MLLT3: variants seen among roughly 807,000 people sequenced by gnomAD.
MLLT3 encodes the protein MLLT3 super elongation complex subunit.
In MLLT3, 4 loss-of-function variants were observed where a neutral mutation model predicts 53.2. That is an observed-to-expected ratio of 0.08 (90% CI 0.04 to 0.17). The LOEUF (loss-of-function observed/expected upper bound fraction) is 0.17, where lower values mean the gene tolerates loss of function less well. Ranked by LOEUF, MLLT3 falls within the 10% of genes least tolerant of loss-of-function variation. The pLI is 1.00. For missense variants in MLLT3, 569 were observed against 684.0 expected, an observed-to-expected ratio of 0.83 and a Z score of 1.87; for synonymous variants, 283 against 230.6, an observed-to-expected ratio of 1.23 and a Z score of -2.06.
chr9:20,360,217 C>T (rs1821279448), intron 8 of MLLT3, among the ~76,000 whole-genome samples: 1 of 152,198 alleles, frequency 6.6e-6, no homozygotes, highest in South Asian at 2.1e-4. Context: ...CTACCATCAA[C>T]TGAGTGCCAA....
chr9:20,486,777 G>A (rs953134472), intron 2 of MLLT3, among the ~76,000 whole-genome samples: 2 of 152,220 alleles, frequency 1.3e-5, no homozygotes, highest in African/African-American at 2.4e-5. Context: ...CATCGTTACT[G>A]TATTACAGCC....
intron 4 of MLLT3, among the ~76,000 whole-genome samples, chr9:20,419,912 C>T (rs1822964874): frequency 1.3e-5 from 2 of 151,802 alleles, no homozygotes; most frequent in South Asian, 2.1e-4. Context: ...GAAAAAAAAA[C>T]TGTAATATAA....
rs925737515 is a variant in MLLT3, at chr9:20,344,284, C to T, written c.*2159G>A. ...AATTTAGTTACAGAAATAAAAATGG[C>T]CCAAACTACATATATACGTTTCTAG... On this transcript the variant is annotated 3_prime_UTR_variant, in exon 11 of 11. Coordinates refer to ENST00000380338, the MANE Select transcript of MLLT3 (RefSeq NM_004529.4). 1.0e-5 allele frequency: 2 copies of T among 199,614 alleles called. No individual in the cohort carries two copies. The highest frequency in any genetic ancestry group is 2.1e-5 in the Non-Finnish European group (2 of 96,892). The allele number at this position is 199,614 out of a possible 1,614,324, so 12.4% of individuals were successfully genotyped here.
intron 2 of MLLT3, among the ~76,000 whole-genome samples, chr9:20,579,565 C>A (rs186904626): frequency 1.3e-5 from 2 of 152,084 alleles, no homozygotes; most frequent in African/African-American, 4.8e-5. Flanking sequence ...ACAATTCTGA[C>A]GCATGAATAA....
chr9:20,558,461 G>A (rs537758264), intron 2 of MLLT3, among the ~76,000 whole-genome samples: 1 of 151,936 alleles, frequency 6.6e-6, no homozygotes, highest in Admixed American at 6.6e-5. Context: ...TTTCCAACCC[G>A]AACTGCAATA....
chr9:20,355,386 T>C (rs944632907), intron 8 of MLLT3, among the ~76,000 whole-genome samples: 2 of 152,220 alleles, frequency 1.3e-5, no homozygotes, highest in Admixed American at 1.3e-4. Context: ...GATACAGCTT[T>C]GGAAATGAAG....
At chr9:20,538,534 T>C (rs1295164449) in intron 2 of MLLT3, among the ~76,000 whole-genome samples, 1 of 152,082 alleles carries the variant, frequency 6.6e-6, no homozygotes, top group African/African-American at 2.4e-5. Flanking sequence ...ATTCACACCA[T>C]CTGCAATTTC....
At chr9:20,604,667 C>T (rs1356165696) in intron 2 of MLLT3, among the ~76,000 whole-genome samples, 2 of 152,036 alleles carry the variant, frequency 1.3e-5, no homozygotes, top group Admixed American at 6.6e-5. Context: ...TTTTGTGAGG[C>T]CACTGGCAAA....
chr9:20,479,236 C>A (rs1235611146), intron 2 of MLLT3, among the ~76,000 whole-genome samples: 1 of 152,048 alleles, frequency 6.6e-6, no homozygotes, highest in African/African-American at 2.4e-5. Flanking sequence ...GTTCCTGGCT[C>A]TTTTTATGCT....
At chr9:20,500,268 T>C (rs1483550859) in intron 2 of MLLT3, among the ~76,000 whole-genome samples, 1 of 152,142 alleles carries the variant, frequency 6.6e-6, no homozygotes, top group Non-Finnish European at 1.5e-5. Flanking sequence ...GGGCCCTTGG[T>C]CTCTCCTCAC....
At position 20,413,851 on chromosome 9, in the gene MLLT3, T is replaced by A. The variant is rs758014622; in HGVS notation, c.995A>T (p.His332Leu). The change falls in exon 5 of 11, where the codon CAT becomes CTT. Residue 332 changes from histidine (H) to leucine (L), a missense_variant. Coordinates refer to ENST00000380338, the MANE Select transcript of MLLT3 (RefSeq NM_004529.4). ...AATTTTGACCTTTCCCATCTTGACA[T>A]GAGATTTATCTTTTATCTGTTTTTT... Reference protein sequence around the residue: ...ADKKQIKDKSHVKMGKVKIES... With the variant: ...ADKKQIKDKSLVKMGKVKIES... 1 of 1,614,000 alleles carries A rather than the reference T, an allele frequency of 6.2e-7. No individual in the cohort carries two copies. The highest frequency in any genetic ancestry group is 1.7e-5 in the Admixed American group (1 of 59,948).
At chr9:20,486,909 TA>T (rs1278556490) in intron 2 of MLLT3, among the ~76,000 whole-genome samples, 2 of 152,156 alleles carry the variant, frequency 1.3e-5, no homozygotes, top group African/African-American at 2.4e-5. Flanking sequence ...AAAATTGTGC[TA>T]GGGGAATCTG....
chr9:20,621,248 C>CT lies in MLLT3; in HGVS notation c.13-415dup, dbSNP rs1035796541. On this transcript the variant is annotated intron_variant, in intron 1 of 10. Transcript: ENST00000380338. This position sits in a 1 kb window ranked among gnomAD's most constrained non-coding sequence, Gnocchi z 7.0. ...GGGACCCAGGGGGACCGAAGGGCTC[C>CT]TGGCGAGCCCCCTCCCCGAAAGTAC... Among the ~76,000 whole-genome samples, 2 of 152,330 alleles carry CT rather than the reference C, an allele frequency of 1.3e-5. No individual in the cohort carries two copies. Among genetic ancestry groups the CT allele is most frequent in the African/African-American group, 4.8e-5 (2 of 41,590 alleles).
At chr9:20,536,209 A>AAAAG (rs536040316) in intron 2 of MLLT3, among the ~76,000 whole-genome samples, 201 of 152,138 alleles carry the variant, frequency 1.3e-3, no homozygotes, top group African/African-American at 4.8e-3. Flanking sequence ...AAAACAAAAA[A>AAAAG]ACTGGACAGC....
At chr9:20,574,003 A>T (rs1267621500) in intron 2 of MLLT3, among the ~76,000 whole-genome samples, 2 of 152,216 alleles carry the variant, frequency 1.3e-5, no homozygotes, top group East Asian at 3.8e-4. Context: ...ACTCCTATTA[A>T]GGAGAATAGT....
intron 4 of MLLT3, among the ~76,000 whole-genome samples, chr9:20,414,782 T>C (rs920995623): frequency 6.6e-5 from 10 of 152,248 alleles, no homozygotes; most frequent in South Asian, 6.2e-4. Flanking sequence ...GTATCTATGA[T>C]TGATAGATGT....
At chr9:20,355,745 T>C (rs1311847709) in intron 8 of MLLT3, among the ~76,000 whole-genome samples, 1 of 152,254 alleles carries the variant, frequency 6.6e-6, no homozygotes, top group Non-Finnish European at 1.5e-5. Flanking sequence ...TCTTTTTCAT[T>C]ATAACTCATT....
chr9:20,551,478 A>G (rs1047218664), intron 2 of MLLT3, among the ~76,000 whole-genome samples: 12 of 152,214 alleles, frequency 7.9e-5, no homozygotes, highest in Admixed American at 3.3e-4. Flanking sequence ...CATATCTTCT[A>G]ATTTAAGGAA....
chr9:20,446,074 GTTTAT>G (rs1216715936), intron 4 of MLLT3, among the ~76,000 whole-genome samples: 1 of 152,102 alleles, frequency 6.6e-6, no homozygotes, highest in Non-Finnish European at 1.5e-5. Context: ...TTCTATAGAA[GTTTAT>G]TTTAATCTTC....
Sources: allele counts gnomAD v4.1 joint callset (sites outside exome capture counted in the v4.1 genomes callset), GRCh38; gene constraint gnomAD v4.1.1; non-coding constraint Gnocchi (gnomAD v3.1); transcripts MANE v1.5; gene names NCBI Gene and HGNC (gene_info 2026-07-23, HGNC 2026-07-21).